Variants in ZNF605 observed in about 807,000 individuals in gnomAD.
The protein encoded by ZNF605 is zinc finger protein 605.
ZNF605 carries 9 observed loss-of-function variants against 7.9 expected under a neutral mutation model. The observed-to-expected ratio is 1.14, with a 90% confidence interval of 0.68 to 1.98. The LOEUF (loss-of-function observed/expected upper bound fraction) is 1.98. Among genes scored for constraint, ZNF605 ranks in the 30% most tolerant of loss-of-function variants. The pLI is 0.00. For synonymous variants in ZNF605, 255 were observed against 260.1 expected (o/e 0.98, Z 0.19); for missense variants, 673 against 762.4 (o/e 0.88, Z 1.38).
chr12:132,928,470 G>T (rs1003624715), intron 4 of ZNF605, among the ~76,000 whole-genome samples: 1 of 152,070 alleles, frequency 6.6e-6, no homozygotes, highest in Non-Finnish European at 1.5e-5. Flanking sequence ...GATCTGTAAA[G>T]TATATATTTT....
Position 132,933,608 on chromosome 12 carries a change from C to G in ZNF605, c.16-453G>C, listed in dbSNP as rs1952327823. On this transcript the variant is annotated intron_variant, in intron 3 of 4. Transcript: ENST00000360187. This position sits in a 1 kb window ranked among gnomAD's most constrained non-coding sequence, Gnocchi z 4.4. ...TCAACCAGAACCAACTGGGCAAGTA[C>G]CTGGCAGATTCCAAAACCCAGAAAC... 6.6e-6 allele frequency among the ~76,000 whole-genome samples: 1 copy of G among 152,208 alleles called. No individual in the cohort carries two copies. Among genetic ancestry groups the G allele is most frequent in the African/African-American group, 2.4e-5 (1 of 41,452 alleles).
At chr12:132,938,883 G>A (rs1300605953) in intron 3 of ZNF605, among the ~76,000 whole-genome samples, 3 of 152,258 alleles carry the variant, frequency 2.0e-5, no homozygotes, top group South Asian at 2.1e-4. Flanking sequence ...GGCAATGGGG[G>A]ACTTAGCACC....
At chr12:132,940,516 G>A (rs1952425445) in intron 3 of ZNF605, among the ~76,000 whole-genome samples, 2 of 152,104 alleles carry the variant, frequency 1.3e-5, no homozygotes, top group Non-Finnish European at 1.5e-5. Context: ...CCCCGGTCCT[G>A]AGTGTATTGT....
At chr12:132,942,037 T>C (rs964166067) in intron 3 of ZNF605, among the ~76,000 whole-genome samples, 8 of 152,224 alleles carry the variant, frequency 5.3e-5, no homozygotes, top group African/African-American at 1.9e-4. Flanking sequence ...AAACATGATT[T>C]ATCTTTTTGG....
At position 132,938,520 on chromosome 12, in the gene ZNF605, C is replaced by T. The variant is rs921148634; in HGVS notation, c.16-5365G>A. 1.8e-4 allele frequency among the ~76,000 whole-genome samples: 27 copies of T among 152,226 alleles called. No homozygotes were observed. In the East Asian group the frequency reaches 3.7e-3, roughly 21 times the overall value. ...TTCTACATGTTGGTCAGGCTGGTCT[C>T]GAACTCCCGACCTCAGGTGATTTGC... On this transcript the variant is annotated intron_variant, in intron 3 of 4. Coordinates refer to ENST00000360187, the MANE Select transcript of ZNF605 (RefSeq NM_183238.4).
intron 2 of ZNF605, among the ~76,000 whole-genome samples, chr12:132,946,721 C>T (rs1309742084): frequency 6.6e-6 from 1 of 152,188 alleles, no homozygotes; most frequent in Admixed American, 6.5e-5. Flanking sequence ...TCACAAGCTG[C>T]CCAGAGTGGG....
chr12:132,952,424 G>A (rs1952582660), intron 1 of ZNF605, among the ~76,000 whole-genome samples: 1 of 143,860 alleles, frequency 7.0e-6, no homozygotes, highest in African/African-American at 2.6e-5. Flanking sequence ...TCACGCCACT[G>A]CACTCAAGCA....
intron 3 of ZNF605, among the ~76,000 whole-genome samples, chr12:132,943,243 C>T (rs1487784178): frequency 2.0e-5 from 3 of 151,920 alleles, no homozygotes; most frequent in Non-Finnish European, 4.4e-5. Flanking sequence ...CCTGTAGTCC[C>T]AGCTACTCGG....
chr12:132,932,916 C>G, intron 4 of ZNF605, 119 bp downstream of exon 4: 1 of 1,385,036 alleles, frequency 7.2e-7, no homozygotes. Context: ...GAATGAAAAT[C>G]TTTCAATTCA....
intron 2 of ZNF605, among the ~76,000 whole-genome samples, chr12:132,946,047 A>G (rs977229741): frequency 6.6e-6 from 1 of 152,130 alleles, no homozygotes; most frequent in Admixed American, 6.6e-5. Flanking sequence ...CCACCCATAA[A>G]TGCCAGATGG....
Position 132,951,506 on chromosome 12 carries a change from C to T in ZNF605, c.-285-3236G>A, listed in dbSNP as rs1434370124. On this transcript the variant is annotated intron_variant, in intron 1 of 4. Coordinates refer to ENST00000360187, the MANE Select transcript of ZNF605 (RefSeq NM_183238.4). ...TACATACATCACATATACACACACA[C>T]GTACACACACACTGATGTACACGTA... Among the ~76,000 whole-genome samples the T allele has an allele frequency of 4.0e-5, 6 of 151,246 alleles. No individual in the cohort carries two copies. In the South Asian group the frequency reaches 8.3e-4, roughly 21 times the overall value.
At position 132,922,366 on chromosome 12, in the gene ZNF605, A is replaced by G. The variant is rs571314724; in HGVS notation, c.*3007T>C. The G allele has an allele frequency of 1.3e-4, 20 of 152,220 alleles. No homozygotes were observed. The highest frequency in any genetic ancestry group is 2.4e-4 in the Non-Finnish European group (16 of 68,044). 9.4% of individuals were successfully genotyped at this position (152,220 alleles called of 1,614,324 possible). A position where few individuals can be genotyped will look rare whatever the true frequency, so the allele number is the denominator to read the frequency against. On this transcript the variant is annotated 3_prime_UTR_variant, in exon 5 of 5. Transcript: ENST00000360187. ...TAGTAATAACTGCAAGTCTATTTAT[A>G]TATGTAGCAGATGGTAACAATCTCC... is the stretch of plus-strand genomic sequence containing the variant.
In ZNF605 at chr12:132,918,442, C is replaced by T. The variant is rs1010282413; in HGVS notation, c.*6931G>A. Reference sequence around the variant, plus strand: ...TCAAACAGAGCACAGAAGGAAGTGTCAGTAACAGGTCTGACCTCGCACAGC... The same window carrying T: ...TCAAACAGAGCACAGAAGGAAGTGTTAGTAACAGGTCTGACCTCGCACAGC... On this transcript the variant is annotated 3_prime_UTR_variant, in exon 5 of 5. Transcript: ENST00000360187. 1 of 152,286 alleles carries T rather than the reference C, an allele frequency of 6.6e-6. No homozygotes were observed. Among genetic ancestry groups the T allele is most frequent in the Non-Finnish European group, 1.5e-5 (1 of 68,076 alleles). 9.4% of individuals were successfully genotyped at this position (152,286 alleles called of 1,614,324 possible).
At chr12:132,939,138 AGC>A (rs1952403420) in intron 3 of ZNF605, among the ~76,000 whole-genome samples, 39 of 152,042 alleles carry the variant, frequency 2.6e-4, no homozygotes, top group Admixed American at 5.9e-4. Flanking sequence ...GAGGAATGCG[AGC>A]GCACAGCGCA....
In ZNF605 at chr12:132,925,701, T is replaced by C. The variant is rs757836463; in HGVS notation, c.1598A>G (p.Tyr533Cys). The C allele has an allele frequency of 7.4e-6, 12 of 1,614,280 alleles. No homozygotes were observed. The highest frequency in any genetic ancestry group is 1.7e-5 in the Admixed American group (1 of 60,034). Residue 533 changes from tyrosine (Y) to cysteine (C), a missense_variant, in exon 5 of 5, where the codon TAT becomes TGT. Tyr to Cys is a radical substitution (Grantham distance 194, BLOSUM62 -2). Transcript: ENST00000360187. ...TGCTTTCCCACATTCACTGCATTCA[T>C]AGGGTTTCTCCCCTGTATGAATTCT... Reference protein sequence around the residue: ...HQRIHTGEKPYECSECGKAFV... With the variant: ...HQRIHTGEKPCECSECGKAFV...
intron 3 of ZNF605, chr12:132,945,253 C>T: frequency 2.9e-6 from 2 of 688,594 alleles, no homozygotes; most frequent in South Asian, 1.8e-5. Context: ...CATGAGCCAC[C>T]ATGCCCAGCT....
At chr12:132,940,446 C>T (rs1952424163) in intron 3 of ZNF605, among the ~76,000 whole-genome samples, 1 of 152,176 alleles carries the variant, frequency 6.6e-6, no homozygotes. Context: ...AACTGCCCTC[C>T]CCACAACGGA....
chr12:132,940,926 T>C (rs1013876741), intron 3 of ZNF605, among the ~76,000 whole-genome samples: 2 of 143,642 alleles, frequency 1.4e-5, no homozygotes, highest in South Asian at 2.5e-4. Context: ...CTGTGTCTAC[T>C]GGCCCCATCT....
intron 3 of ZNF605, among the ~76,000 whole-genome samples, chr12:132,942,208 GA>G (rs1380336304): frequency 6.6e-6 from 1 of 152,088 alleles, no homozygotes; most frequent in East Asian, 1.9e-4. Flanking sequence ...CAGGGAAAGG[GA>G]AAAAATAATA....
Sources: allele counts gnomAD v4.1 joint callset (sites outside exome capture counted in the v4.1 genomes callset), GRCh38; gene constraint gnomAD v4.1.1; non-coding constraint Gnocchi (gnomAD v3.1); transcripts MANE v1.5; gene names NCBI Gene and HGNC (gene_info 2026-07-23, HGNC 2026-07-21).